Variants in FLNB observed in about 807,000 individuals in gnomAD.
The protein encoded by FLNB is filamin-B.
In FLNB, 111 loss-of-function variants were observed where a neutral mutation model predicts 250.6. The observed-to-expected ratio is 0.44, with a 90% CI of 0.38 to 0.52. The LOEUF is 0.52. FLNB is among the 20% of genes least tolerant of loss of function. The pLI, the probability that FLNB is intolerant of heterozygous loss-of-function variation, is 0.00. For missense variants in FLNB, 2,869 were observed against 3,447.8 expected (o/e 0.83, Z 4.20); for synonymous variants, 1,302 against 1,372.1 (o/e 0.95, Z 1.13).
rs372889456 is a variant in FLNB, at chr3:58,130,313, T to G, written c.4223-428T>G. Among the ~76,000 whole-genome samples the G allele has an allele frequency of 3.0e-4, 46 of 152,290 alleles. No individual in the cohort carries two copies. In the South Asian group the frequency reaches 4.1e-3, roughly 14 times the overall value. On this transcript the variant is annotated intron_variant, in intron 24 of 45. Coordinates refer to ENST00000295956, the MANE Select transcript of FLNB (RefSeq NM_001457.4). ...GCTCCTGCATGTGCTGAGGCCTCTC[T>G]ACTTGAAGCACCTCTCTGTCTGCTC...
intron 42 of FLNB, among the ~76,000 whole-genome samples, chr3:58,161,781 C>A (rs967783689): frequency 6.6e-6 from 1 of 152,150 alleles, no homozygotes; most frequent in Non-Finnish European, 1.5e-5. Flanking sequence ...GGCAGGATGG[C>A]CTTCCTCTTG....
In FLNB at chr3:58,155,976, C is replaced by T; in HGVS notation, c.6789C>T (p.Ser2263=). The T allele has an allele frequency of 1.2e-6, 2 of 1,613,124 alleles. No individual in the cohort carries two copies. The highest frequency in any genetic ancestry group is 1.7e-4 in the Middle Eastern group (1 of 6,056). Residue 2263 remains serine, a synonymous_variant, in exon 41 of 46, where the codon TCC becomes TCT. Coordinates refer to ENST00000295956, the MANE Select transcript of FLNB (RefSeq NM_001457.4). ...TCCTCATAGGTAACTACGAGGTGTC[C>T]ATCAAGTTCAATGATGAGCACATCC... ...IAQEPGNYEV[S]IKFNDEHIPE...
At chr3:58,055,407 G>C (rs2097168919) in intron 1 of FLNB, among the ~76,000 whole-genome samples, 1 of 152,194 alleles carries the variant, frequency 6.6e-6, no homozygotes, top group African/African-American at 2.4e-5. Flanking sequence ...AACTCGTGGT[G>C]GTGGGCGGGC....
chr3:58,077,153 G>C lies in FLNB; in HGVS notation c.400G>C (p.Asp134His). 3 of 1,614,188 alleles carry C rather than the reference G, an allele frequency of 1.9e-6. No homozygotes were observed. Among genetic ancestry groups the C allele is most frequent in the Non-Finnish European group, 2.5e-6 (3 of 1,180,030 alleles). ...SMPVWEDEGD[D>H]DAKKQTPKQR... ...GCCCGTGTGGGAGGATGAAGGGGAT[G>C]ATGATGCCAAGAAGCAGACGCCAAA... The change falls in exon 2 of 46, where the codon GAT (aspartate) becomes CAT (histidine). Residue 134 changes from aspartate (D) to histidine (H), a missense_variant. Transcript: ENST00000295956.
chr3:58,065,379 G>A lies in FLNB; in HGVS notation c.293-11667G>A, dbSNP rs553681440. ...CCTCATCAAGTTGTTATGAGATGAT[G>A]TAGATTCAGCGAAGTAGCAAGAGTA... On this transcript the variant is annotated intron_variant, in intron 1 of 45. Coordinates refer to ENST00000295956, the MANE Select transcript of FLNB (RefSeq NM_001457.4). 1.5e-4 allele frequency among the ~76,000 whole-genome samples: 23 copies of A among 152,362 alleles called. No individual in the cohort carries two copies. In the South Asian group the frequency reaches 4.6e-3, roughly 30 times the overall value.
chr3:58,073,110 G>A (rs1035745834), intron 1 of FLNB, among the ~76,000 whole-genome samples: 1 of 151,988 alleles, frequency 6.6e-6, no homozygotes, highest in Non-Finnish European at 1.5e-5. Flanking sequence ...AATGCCTTGA[G>A]GGTGCCTGGC....
At chr3:58,155,811 C>T (rs749761651) in intron 40 of FLNB, 149 bp from the exon 41 acceptor site, 12 of 665,626 alleles carry the variant, frequency 1.8e-5, no homozygotes, top group African/African-American at 3.6e-5. Flanking sequence ...ATCGGCCCAG[C>T]CTCAGCCAGG....
rs3773001 is a variant in FLNB, at chr3:58,008,950, C to T, written c.292+94C>T. ...GAGGGCGAGGATTTCCCGCAGCGCGCCCCCACCTCGGAGATAAGGGGGAGT... is the reference window on the plus strand; with the variant it reads ...GAGGGCGAGGATTTCCCGCAGCGCGTCCCCACCTCGGAGATAAGGGGGAGT... On this transcript the variant is annotated intron_variant, in intron 1 of 45. Transcript: ENST00000295956. The T allele has an allele frequency of 1.2e-3, 1,798 of 1,483,190 alleles. 25 individuals carry two copies. In the East Asian group the frequency reaches 0.035, roughly 29 times the overall value. 91.9% of individuals were successfully genotyped at this position (1,483,190 alleles called of 1,614,324 possible). A position where few individuals can be genotyped will look rare whatever the true frequency, so the allele number is the denominator to read the frequency against.
intron 1 of FLNB, among the ~76,000 whole-genome samples, chr3:58,065,428 G>C (rs966230682): frequency 2.0e-5 from 3 of 152,248 alleles, no homozygotes; most frequent in African/African-American, 4.8e-5. Flanking sequence ...TGATAACAGA[G>C]AGAAGTGAGT....
chr3:58,132,153 G>A, intron 25 of FLNB: 1 of 668,520 alleles, frequency 1.5e-6, no homozygotes. Context: ...CTACCCTGGA[G>A]TTGACCCATC....
Position 58,121,318 on chromosome 3 carries a change from A to G in FLNB, c.2941A>G (p.Ile981Val). 4 of 1,613,936 alleles carry G rather than the reference A, an allele frequency of 2.5e-6. No homozygotes were observed. The South Asian group carries it at 3.3e-5, about 13-fold the overall frequency. The change falls in exon 20 of 46, where the codon ATC becomes GTC. Residue 981 changes from isoleucine to valine, a missense_variant. Around this residue, in one of 5 missense-constraint regions of FLNB, gnomAD observed 1,348 missense variants for 1,466.7 expected, o/e 0.92. Coordinates refer to ENST00000295956, the MANE Select transcript of FLNB (RefSeq NM_001457.4). ...AGGCCAGGGGAAGCTGGACGTGACA[A>G]TCCTCAGCCCCTCTCGGAAGGTCGT... ...AGGQGKLDVT[I>V]LSPSRKVVPC...
rs759355817 is a variant in FLNB, at chr3:58,142,764, C to T, written c.5284+12C>T. ...AGGAGAAATCACTGGTAAGCACTTG[C>T]CATAAAGGCCGTCTCATTCTCACTT... On this transcript the variant is annotated intron_variant, in intron 31 of 45. Transcript: ENST00000295956. The surrounding 1 kb of genome is among the most constrained non-coding windows in gnomAD (Gnocchi z 4.3). The T allele has an allele frequency of 6.2e-7, 1 of 1,606,010 alleles. No individual in the cohort carries two copies. The highest frequency in any genetic ancestry group is 8.5e-7 in the Non-Finnish European group (1 of 1,172,658).
intron 38 of FLNB, among the ~76,000 whole-genome samples, chr3:58,152,384 G>A (rs2097346546): frequency 6.6e-6 from 1 of 152,190 alleles, no homozygotes; most frequent in African/African-American, 2.4e-5. Context: ...GAGGCTGGAA[G>A]TCCAAGATCA....
chr3:58,073,377 GA>G (rs1433518054), intron 1 of FLNB, among the ~76,000 whole-genome samples: 1 of 152,020 alleles, frequency 6.6e-6, no homozygotes, highest in Non-Finnish European at 1.5e-5. Flanking sequence ...TCCAGCTCAG[GA>G]AATGTCTGGT....
intron 11 of FLNB, among the ~76,000 whole-genome samples, 167 bp downstream of exon 11, chr3:58,105,383 C>A (rs1009647870): frequency 1.3e-5 from 2 of 152,164 alleles, no homozygotes; most frequent in Non-Finnish European, 2.9e-5. Context: ...TTTGCAGTTG[C>A]CTCTGATACC....
At chr3:58,159,246 C>A (rs1211705848) in intron 41 of FLNB, among the ~76,000 whole-genome samples, 1 of 152,124 alleles carries the variant, frequency 6.6e-6, no homozygotes, top group Non-Finnish European at 1.5e-5. Flanking sequence ...GGTTTTCTGG[C>A]CTGCATGGGC....
At chr3:58,024,873 C>T (rs1366223390) in intron 1 of FLNB, among the ~76,000 whole-genome samples, 1 of 151,442 alleles carries the variant, frequency 6.6e-6, no homozygotes, top group African/African-American at 2.4e-5. Context: ...CCACTATGCC[C>T]AGCTAATTTT....
chr3:58,155,911 A>G (rs2097352608), intron 40 of FLNB, 49 bp from the exon 41 acceptor site: 2 of 1,339,626 alleles, frequency 1.5e-6, no homozygotes, highest in Non-Finnish European at 1.1e-6. Context: ...GCAAGAGTCC[A>G]CTCTGGGTCC....
intron 12 of FLNB, among the ~76,000 whole-genome samples, chr3:58,107,772 G>C (rs1332843658): frequency 2.6e-5 from 4 of 152,248 alleles, no homozygotes; most frequent in Non-Finnish European, 4.4e-5. Flanking sequence ...GTGTGCTACT[G>C]TTGGCCCACA....
Sources: gnomAD v4.1 joint callset for allele counts (sites outside exome capture counted in the v4.1 genomes callset) on GRCh38, gnomAD v4.1.1 for gene constraint, gnomAD v4.1.1 regional missense constraint, Gnocchi (gnomAD v3.1) non-coding constraint, MANE v1.5 for transcripts, NCBI Gene and HGNC (gene_info 2026-07-23, HGNC 2026-07-21) for gene names.